The following GNA14 variants were observed in gnomAD, a reference collection of about 807,000 sequenced individuals.
GNA14 encodes the protein guanine nucleotide-binding protein subunit alpha-14.
Under a neutral mutation model 42.0 loss-of-function variants are expected in GNA14, and 50 were observed. That is an observed-to-expected ratio of 1.19 (90% CI 0.95 to 1.51). The LOEUF (loss-of-function observed/expected upper bound fraction) is 1.51. Among genes scored for constraint, GNA14 ranks in the 40% most tolerant of loss-of-function variants. GNA14 has a pLI of 0.00. For missense variants in GNA14, 473 were observed against 446.2 expected (o/e 1.06, Z -0.54); for synonymous variants, 173 against 163.1 (o/e 1.06, Z -0.46).
chr9:77,647,033 G>C (rs1356623137), intron 1 of GNA14, among the ~76,000 whole-genome samples: 1 of 152,224 alleles, frequency 6.6e-6, no homozygotes. Flanking sequence ...GACCCCCATG[G>C]GAGGCAGGCA....
intron 1 of GNA14, among the ~76,000 whole-genome samples, chr9:77,567,798 C>T (rs1457917979): frequency 2.6e-5 from 4 of 152,078 alleles, no homozygotes; most frequent in Non-Finnish European, 1.5e-5. Flanking sequence ...GCCCAGGAGG[C>T]GGAGGTTGCA....
intron 1 of GNA14, among the ~76,000 whole-genome samples, chr9:77,604,402 G>A (rs1479014155): frequency 6.6e-6 from 1 of 152,210 alleles, no homozygotes; most frequent in Non-Finnish European, 1.5e-5. Context: ...CTAAGTGGAA[G>A]TCTGAAGTCA....
chr9:77,527,042 C>G (rs554643934), intron 2 of GNA14, among the ~76,000 whole-genome samples: 6 of 152,302 alleles, frequency 3.9e-5, no homozygotes, highest in African/African-American at 7.2e-5. Flanking sequence ...TACACAGGAG[C>G]CTTTTCTCCT....
In GNA14 at chr9:77,506,953, T is replaced by A. The variant is rs544723738; in HGVS notation, c.309+22116A>T. 2.6e-5 allele frequency among the ~76,000 whole-genome samples: 4 copies of A among 152,342 alleles called. No individual in the cohort carries two copies. The South Asian group carries it at 8.3e-4, about 32-fold the overall frequency. Reference sequence around the variant, plus strand: ...ATCACTTATCCTCACATTATCAGAATGGTTTGAGATATCTTGCCTCTTATA... The same window carrying A: ...ATCACTTATCCTCACATTATCAGAAAGGTTTGAGATATCTTGCCTCTTATA... On this transcript the variant is annotated intron_variant, in intron 2 of 6. Coordinates refer to ENST00000341700, the MANE Select transcript of GNA14 (RefSeq NM_004297.4).
intron 1 of GNA14, chr9:77,580,539 G>T: frequency 2.1e-6 from 1 of 476,820 alleles, no homozygotes; most frequent in Non-Finnish European, 4.1e-6. Flanking sequence ...CCATCATCGG[G>T]TTCCACCAGA....
intron 2 of GNA14, among the ~76,000 whole-genome samples, chr9:77,475,891 T>C (rs966346142): frequency 6.6e-6 from 1 of 152,062 alleles, no homozygotes; most frequent in East Asian, 1.9e-4. Context: ...TACCCAAAGA[T>C]AGAGGGATGC....
intron 1 of GNA14, among the ~76,000 whole-genome samples, chr9:77,536,147 G>C (rs1437328819): frequency 1.3e-5 from 2 of 152,038 alleles, no homozygotes; most frequent in African/African-American, 4.8e-5. Context: ...AATAATTCTA[G>C]GCAACAGAGA....
intron 2 of GNA14, among the ~76,000 whole-genome samples, chr9:77,447,728 T>G (rs530680045): frequency 1.3e-5 from 2 of 152,236 alleles, no homozygotes; most frequent in Non-Finnish European, 2.9e-5. Context: ...ACTAGATTAT[T>G]TGCACCCAGT....
At chr9:77,504,778 C>T (rs1837039890) in intron 2 of GNA14, among the ~76,000 whole-genome samples, 1 of 150,870 alleles carries the variant, frequency 6.6e-6, no homozygotes, top group South Asian at 2.1e-4. Context: ...AGCGATTCTC[C>T]TGCCTCAGCC....
intron 1 of GNA14, among the ~76,000 whole-genome samples, chr9:77,529,651 C>G (rs1482717553): frequency 1.3e-5 from 2 of 152,174 alleles, no homozygotes; most frequent in African/African-American, 4.8e-5. Context: ...TCAGTCAACT[C>G]CTTCCTTTCA....
intron 2 of GNA14, among the ~76,000 whole-genome samples, chr9:77,497,726 C>T (rs11145440): frequency 0.58 from 87,870 of 151,790 alleles, 26,215 homozygotes; most frequent in East Asian, 0.83. Context: ...TATACATATG[C>T]ATATACATAT....
intron 2 of GNA14, among the ~76,000 whole-genome samples, chr9:77,487,537 T>C (rs1020930699): frequency 6.6e-6 from 1 of 152,182 alleles, no homozygotes; most frequent in Admixed American, 6.5e-5. Flanking sequence ...AAGCACTTTA[T>C]AAATGATAAA....
chr9:77,600,614 G>C (rs756409367), intron 1 of GNA14, among the ~76,000 whole-genome samples: 1 of 152,172 alleles, frequency 6.6e-6, no homozygotes, highest in African/African-American at 2.4e-5. Flanking sequence ...GATGAGGAAT[G>C]AGAGTGTGAA....
chr9:77,463,074 T>C (rs1024088222), intron 2 of GNA14, among the ~76,000 whole-genome samples: 1 of 152,176 alleles, frequency 6.6e-6, no homozygotes, highest in Non-Finnish European at 1.5e-5. Flanking sequence ...GTCAGATCAC[T>C]AAGCTCTGAT....
chr9:77,520,109 A>T (rs769110410), intron 2 of GNA14, among the ~76,000 whole-genome samples: 1 of 151,882 alleles, frequency 6.6e-6, no homozygotes. Context: ...ATTTTTTTTA[A>T]AACTTTTAAT....
chr9:77,600,743 C>T (rs1261777493), intron 1 of GNA14, among the ~76,000 whole-genome samples: 1 of 151,676 alleles, frequency 6.6e-6, no homozygotes, highest in Non-Finnish European at 1.5e-5. Flanking sequence ...CATGGCAAAA[C>T]CCTGTCTCTA....
At chr9:77,494,729 T>C (rs1298184763) in intron 2 of GNA14, among the ~76,000 whole-genome samples, 1 of 152,210 alleles carries the variant, frequency 6.6e-6, no homozygotes, top group Non-Finnish European at 1.5e-5. Flanking sequence ...TGAAAACCAA[T>C]GAGAGAAGAA....
rs1554705766 is a variant in GNA14, at chr9:77,640,886, A to AC, written c.124+6783_124+6784insG. 5.3e-3 allele frequency among the ~76,000 whole-genome samples: 770 copies of AC among 145,456 alleles called. 11 individuals carry two copies. Among genetic ancestry groups the AC allele is most frequent in the African/African-American group, 0.018 (709 of 40,156 alleles). ...ATAAAATGCTCAAAAAAAAAAAAAA[A>AC]AAAAAACAACAGACAGAGGCATGTC... On this transcript the variant is annotated intron_variant, in intron 1 of 6. Transcript: ENST00000341700.
At chr9:77,509,652 G>A (rs1441386363) in intron 2 of GNA14, among the ~76,000 whole-genome samples, 1 of 152,194 alleles carries the variant, frequency 6.6e-6, no homozygotes, top group African/African-American at 2.4e-5. Flanking sequence ...GGATGCTAAT[G>A]GGTGGAGAAC....
Sources: allele counts gnomAD v4.1 joint callset (sites outside exome capture counted in the v4.1 genomes callset), GRCh38; gene constraint gnomAD v4.1.1; transcripts MANE v1.5; gene names NCBI Gene and HGNC (gene_info 2026-07-23, HGNC 2026-07-21).